XKR4: variants seen among roughly 807,000 people sequenced by gnomAD.
The protein encoded by XKR4 is XK-related protein 4.
A neutral mutation model predicts 53.9 loss-of-function variants in XKR4; 12 were observed. That is an observed-to-expected ratio of 0.22 (90% CI 0.14 to 0.36). XKR4 has a LOEUF of 0.36. Among genes scored for constraint, XKR4 ranks in the 10% least tolerant of loss-of-function variants. XKR4 has a pLI of 1.00. For synonymous variants in XKR4, 354 were observed against 362.4 expected, an observed-to-expected ratio of 0.98 and a Z score of 0.26; for missense variants, 799 against 859.5, an observed-to-expected ratio of 0.93 and a Z score of 0.88.
intron 1 of XKR4, among the ~76,000 whole-genome samples, chr8:55,176,278 T>A (rs1817233384): frequency 6.6e-6 from 1 of 152,252 alleles, no homozygotes; most frequent in African/African-American, 2.4e-5. Context: ...GGCTGAGCAC[T>A]GCGACATGGA....
intron 2 of XKR4, chr8:55,450,316 T>C: frequency 1.4e-6 from 1 of 728,810 alleles, no homozygotes. Context: ...CAGCATCTCC[T>C]CAGCGCAGAA....
intron 1 of XKR4, among the ~76,000 whole-genome samples, chr8:55,132,219 G>A (rs1357315518): frequency 6.6e-6 from 1 of 152,194 alleles, no homozygotes; most frequent in East Asian, 1.9e-4. Flanking sequence ...AATATGCACT[G>A]TTGTTCCATT....
chr8:55,423,714 T>G (rs1042656679), intron 2 of XKR4, among the ~76,000 whole-genome samples: 2 of 152,246 alleles, frequency 1.3e-5, no homozygotes, highest in African/African-American at 4.8e-5. Context: ...TTTGTCCAAT[T>G]TGTTCTCAAA....
Position 55,102,350 on chromosome 8 carries a change from G to A in XKR4, c.-139G>A. ...CGGCGGGCGGCGGCGGACGGCAGGC[G>A]AGCCGACGCAGGAGCAGGAGGAGGG... is the stretch of plus-strand genomic sequence containing the variant. On this transcript the variant is annotated 5_prime_UTR_variant, in exon 1 of 3. Coordinates refer to ENST00000327381, the MANE Select transcript of XKR4 (RefSeq NM_052898.2). The surrounding 1 kb of genome is among the most constrained non-coding windows in gnomAD (Gnocchi z 5.1). 2 of 1,113,284 alleles carry A rather than the reference G, an allele frequency of 1.8e-6. No individual in the cohort carries two copies. The highest frequency in any genetic ancestry group is 2.2e-6 in the Non-Finnish European group (2 of 899,322). The allele number at this position is 1,113,284 out of a possible 1,614,324, so 69.0% of individuals were successfully genotyped here.
intron 2 of XKR4, among the ~76,000 whole-genome samples, chr8:55,363,874 G>T (rs1335997250): frequency 6.6e-6 from 1 of 152,176 alleles, no homozygotes; most frequent in Non-Finnish European, 1.5e-5. Context: ...TTGAAAGCTT[G>T]TTTGTGCATG....
chr8:55,451,592 A>G, intron 2 of XKR4: 2 of 1,347,788 alleles, frequency 1.5e-6, no homozygotes, highest in Non-Finnish European at 2.1e-6. Flanking sequence ...CGGATGCGCC[A>G]GCAGACAACG....
chr8:55,263,965 C>T (rs1476459114), intron 1 of XKR4, among the ~76,000 whole-genome samples: 3 of 152,310 alleles, frequency 2.0e-5, no homozygotes, highest in Middle Eastern at 3.4e-3. Context: ...AGCCTCCATA[C>T]GTGAGTTGTT....
intron 1 of XKR4, among the ~76,000 whole-genome samples, chr8:55,340,875 G>A (rs953520311): frequency 5.9e-5 from 9 of 152,180 alleles, no homozygotes; most frequent in Non-Finnish European, 1.2e-4. Context: ...AGGGAGAGCA[G>A]CCTGCATGGG....
chr8:55,449,570 T>C (rs1805396823), intron 2 of XKR4: 1 of 1,458,940 alleles, frequency 6.9e-7, no homozygotes, highest in Non-Finnish European at 9.6e-7. Flanking sequence ...GGGCACGTCC[T>C]GGGCACAAAA....
rs1267920223 is a variant in XKR4 at position 55,538,029 on chromosome 8, G to C, written c.*13802G>C. 6.6e-6 allele frequency: 1 copy of C among 152,150 alleles called. No homozygotes were observed. Among genetic ancestry groups the C allele is most frequent in the Admixed American group, 6.5e-5 (1 of 15,268 alleles). The allele number at this position is 152,150 out of a possible 1,614,324, so 9.4% of individuals were successfully genotyped here. ...AATCAATGGAATTTATGGTGTCGTA[G>C]AAAACCAAAAATCCATGTTGAATAT... On this transcript the variant is annotated 3_prime_UTR_variant, in exon 3 of 3. Transcript: ENST00000327381.
In XKR4 at chr8:55,524,674, A is replaced by T. The variant is rs1423208607; in HGVS notation, c.*447A>T. ...AAAAAAGCTTAGGTGACTTTTCTTG[A>T]TGCAAAGCTCTGATTCCCACAGGAA... On this transcript the variant is annotated 3_prime_UTR_variant, in exon 3 of 3. Transcript: ENST00000327381. The T allele has an allele frequency of 6.4e-6, 1 of 155,372 alleles. No homozygotes were observed. Among genetic ancestry groups the T allele is most frequent in the Admixed American group, 6.5e-5 (1 of 15,350 alleles). The allele number at this position is 155,372 out of a possible 1,614,324, so 9.6% of individuals were successfully genotyped here. A position where few individuals can be genotyped will look rare whatever the true frequency, so the allele number is the denominator to read the frequency against.
At chr8:55,523,156 A>G in intron 2 of XKR4, 125 bp from the exon 3 acceptor site, 4 of 862,822 alleles carry the variant, frequency 4.6e-6, no homozygotes, top group Admixed American at 3.0e-5. Flanking sequence ...AAAAAAAAAA[A>G]AAGAAATTAA....
At chr8:55,254,759 C>T (rs905600824) in intron 1 of XKR4, among the ~76,000 whole-genome samples, 9 of 152,170 alleles carry the variant, frequency 5.9e-5, no homozygotes, top group Admixed American at 5.2e-4. Flanking sequence ...TGGCCTCTGC[C>T]TCAGGGAATG....
chr8:55,140,937 A>C (rs1163045736), intron 1 of XKR4, among the ~76,000 whole-genome samples: 1 of 152,240 alleles, frequency 6.6e-6, no homozygotes, highest in African/African-American at 2.4e-5. Flanking sequence ...GTGTTGTGAC[A>C]AGCATTTTTT....
At chr8:55,405,186 G>A (rs1256437395) in intron 2 of XKR4, among the ~76,000 whole-genome samples, 1 of 152,184 alleles carries the variant, frequency 6.6e-6, no homozygotes, top group Non-Finnish European at 1.5e-5. Context: ...CCCATCCTCT[G>A]TGGAAGTCAA....
At chr8:55,340,257 A>G (rs529366446) in intron 1 of XKR4, among the ~76,000 whole-genome samples, 1 of 152,348 alleles carries the variant, frequency 6.6e-6, no homozygotes, top group Middle Eastern at 3.4e-3. Context: ...GCCAACAGAG[A>G]TGCATTTTTA....
chr8:55,340,165 A>G (rs1037126271), intron 1 of XKR4, among the ~76,000 whole-genome samples: 87 of 152,260 alleles, frequency 5.7e-4, no homozygotes, highest in Admixed American at 1.7e-3. Flanking sequence ...TCTGTATAGC[A>G]CAATGCTCAA....
chr8:55,320,414 A>T (rs1803188628), intron 1 of XKR4, among the ~76,000 whole-genome samples: 1 of 152,216 alleles, frequency 6.6e-6, no homozygotes, highest in Non-Finnish European at 1.5e-5. Flanking sequence ...TAACTCACTC[A>T]TCACCAACAA....
chr8:55,450,567 G>T, intron 2 of XKR4: 1 of 719,372 alleles, frequency 1.4e-6, no homozygotes, highest in South Asian at 1.4e-5. Flanking sequence ...TGGTAGCCGA[G>T]GAACTTGAGA....
Sources: allele counts gnomAD v4.1 joint callset (sites outside exome capture counted in the v4.1 genomes callset), GRCh38; gene constraint gnomAD v4.1.1; non-coding constraint Gnocchi (gnomAD v3.1); transcripts MANE v1.5; gene names NCBI Gene and HGNC (gene_info 2026-07-23, HGNC 2026-07-21).